The following MPPED2 variants were observed in gnomAD, a reference collection of about 807,000 sequenced individuals.
MPPED2 encodes metallophosphoesterase MPPED2.
In MPPED2, 5 loss-of-function variants were observed where a neutral mutation model predicts 33.0. That is an observed-to-expected ratio of 0.15 (90% CI 0.08 to 0.32). The LOEUF (loss-of-function observed/expected upper bound fraction) is 0.32. MPPED2 is among the 10% of genes least tolerant of loss of function. The probability of loss-of-function intolerance (pLI) is 1.00; values close to 1 mark genes in which losing one functional copy is unlikely to be tolerated. For missense variants in MPPED2, 275 were observed against 372.1 expected (o/e 0.74, Z 2.15); for synonymous variants, 136 against 141.9 (o/e 0.96, Z 0.29).
intron 6 of MPPED2, among the ~76,000 whole-genome samples, chr11:30,395,824 C>T (rs987328474): frequency 6.6e-6 from 1 of 152,144 alleles, no homozygotes; most frequent in African/African-American, 2.4e-5. Flanking sequence ...TGCAATCAAT[C>T]TTTTCAGAAA....
chr11:30,540,397 A>G (rs1027192960), intron 2 of MPPED2, among the ~76,000 whole-genome samples: 2 of 152,190 alleles, frequency 1.3e-5, no homozygotes, highest in Admixed American at 6.5e-5. Context: ...TGGTTCCCTC[A>G]TCAGTAAAAC....
At chr11:30,393,791 C>T (rs1243256669) in intron 6 of MPPED2, among the ~76,000 whole-genome samples, 1 of 152,084 alleles carries the variant, frequency 6.6e-6, no homozygotes, top group Non-Finnish European at 1.5e-5. Flanking sequence ...TTAATTTTAT[C>T]CTGTTTTTAA....
At chr11:30,502,192 C>G (rs1952601771) in intron 3 of MPPED2, among the ~76,000 whole-genome samples, 1 of 152,106 alleles carries the variant, frequency 6.6e-6, no homozygotes, top group Admixed American at 6.6e-5. Context: ...GGGCCAGAAT[C>G]TAGCTCTTTG....
chr11:30,503,513 T>C (rs995071430), intron 3 of MPPED2, among the ~76,000 whole-genome samples: 3 of 152,154 alleles, frequency 2.0e-5, no homozygotes, highest in Non-Finnish European at 4.4e-5. Context: ...ACACCCTTTT[T>C]TTTAAAATCA....
At chr11:30,412,703 C>T (rs1178526016) in intron 6 of MPPED2, among the ~76,000 whole-genome samples, 1 of 152,162 alleles carries the variant, frequency 6.6e-6, no homozygotes, top group African/African-American at 2.4e-5. Context: ...TTGCCCTCTT[C>T]CTGCCCTCTT....
Position 30,388,591 on chromosome 11 carries a change from G to T in MPPED2, c.*298C>A, listed in dbSNP as rs565137714. ...GGGGTGGAGGGGGTCATCAGTGACT[G>T]ATCTGTCTTTCCTTTTCTCCTACAA... is the stretch of plus-strand genomic sequence containing the variant. On this transcript the variant is annotated 3_prime_UTR_variant, in exon 7 of 7. Transcript: ENST00000448418. 193 of 216,496 alleles carry T rather than the reference G, an allele frequency of 8.9e-4. 4 individuals are homozygous for T. In the South Asian group the frequency reaches 0.017, roughly 19 times the overall value. The allele number at this position is 216,496 out of a possible 1,614,324, so 13.4% of individuals were successfully genotyped here.
intron 3 of MPPED2, among the ~76,000 whole-genome samples, chr11:30,513,178 G>A (rs918896288): frequency 2.6e-5 from 4 of 152,168 alleles, no homozygotes; most frequent in Admixed American, 2.0e-4. Flanking sequence ...AGCAAGGAGG[G>A]ATAATGGGGG....
chr11:30,468,865 A>G (rs1950831212), intron 4 of MPPED2: 2 of 152,366 alleles, frequency 1.3e-5, no homozygotes, highest in African/African-American at 4.8e-5. Context: ...TCACTCCACC[A>G]CTGGATCTTT....
At chr11:30,580,831 G>A (rs1957133152) in intron 1 of MPPED2, among the ~76,000 whole-genome samples, 1 of 152,186 alleles carries the variant, frequency 6.6e-6, no homozygotes, top group Non-Finnish European at 1.5e-5. Context: ...TGCTCCAAGT[G>A]AAGAATCTTC....
At chr11:30,406,333 C>T (rs1947988931), downstream of MPPED2, among the ~76,000 whole-genome samples, 1 of 152,142 alleles carries the variant, frequency 6.6e-6, no homozygotes, top group Non-Finnish European at 1.5e-5. Context: ...AGTTCATGCT[C>T]AAAATGGAAT....
At chr11:30,455,838 C>T (rs1008457299) in intron 4 of MPPED2, among the ~76,000 whole-genome samples, 2 of 152,242 alleles carry the variant, frequency 1.3e-5, no homozygotes, top group Non-Finnish European at 2.9e-5. Context: ...AGAACTGCCT[C>T]TGGGCACATG....
At chr11:30,465,157 C>G (rs1950655701) in intron 4 of MPPED2, among the ~76,000 whole-genome samples, 1 of 152,144 alleles carries the variant, frequency 6.6e-6, no homozygotes, top group South Asian at 2.1e-4. Flanking sequence ...ATTGGAACTG[C>G]ATTTGGAGTT....
At chr11:30,437,317 A>G (rs2133878337) in intron 4 of MPPED2, among the ~76,000 whole-genome samples, 1 of 152,300 alleles carries the variant, frequency 6.6e-6, no homozygotes, top group Admixed American at 6.5e-5. Flanking sequence ...CAGCTTACAC[A>G]TCTTTGCAAA....
At chr11:30,503,906 C>T (rs1311629293) in intron 3 of MPPED2, among the ~76,000 whole-genome samples, 1 of 152,134 alleles carries the variant, frequency 6.6e-6, no homozygotes, top group Non-Finnish European at 1.5e-5. Flanking sequence ...ATTCACAGGG[C>T]ACAGCCTTCA....
chr11:30,550,242 A>T (rs939328797), intron 2 of MPPED2, among the ~76,000 whole-genome samples: 1 of 152,068 alleles, frequency 6.6e-6, no homozygotes, highest in Non-Finnish European at 1.5e-5. Flanking sequence ...ATAATCTCCA[A>T]CAACAAATCA....
At chr11:30,435,276 A>T (rs904310853) in intron 4 of MPPED2, among the ~76,000 whole-genome samples, 1 of 152,208 alleles carries the variant, frequency 6.6e-6, no homozygotes, top group Non-Finnish European at 1.5e-5. Context: ...ATCTGGTGAC[A>T]CACCATCTCT....
chr11:30,520,646 C>T (rs517556), intron 3 of MPPED2, among the ~76,000 whole-genome samples: 21,235 of 152,068 alleles, frequency 0.14, 2,592 homozygotes, highest in African/African-American at 0.33. Context: ...GGAGTATTTA[C>T]AGCATTTAAT....
At chr11:30,423,880 C>A (rs1948722522) in intron 4 of MPPED2, among the ~76,000 whole-genome samples, 1 of 152,158 alleles carries the variant, frequency 6.6e-6, no homozygotes, top group Non-Finnish European at 1.5e-5. Flanking sequence ...TCCATCAAAT[C>A]ATAGACCCTC....
chr11:30,455,913 A>T (rs755100447), intron 4 of MPPED2, among the ~76,000 whole-genome samples: 44 of 152,216 alleles, frequency 2.9e-4, no homozygotes, highest in Non-Finnish European at 5.4e-4. Flanking sequence ...TTTGACCAAG[A>T]GGCTCCATGA....
Sources: allele counts gnomAD v4.1 joint callset (sites outside exome capture counted in the v4.1 genomes callset), GRCh38; gene constraint gnomAD v4.1.1; transcripts MANE v1.5; gene names NCBI Gene and HGNC (gene_info 2026-07-23, HGNC 2026-07-21).